The following RPAP2 variants were observed in gnomAD, a reference collection of about 807,000 sequenced individuals.
RPAP2 encodes the protein RNA polymerase II associated protein 2, also known as putative RNA polymerase II subunit B1 CTD phosphatase RPAP2.
Under a neutral mutation model 73.1 loss-of-function variants are expected in RPAP2, and 52 were observed. The ratio of observed to expected loss-of-function variants is 0.71; its 90% CI spans 0.57 to 0.90. RPAP2 has a LOEUF of 0.90. Ranked by LOEUF, RPAP2 falls within the 40% of genes least tolerant of loss-of-function variation. The pLI, the probability that RPAP2 is intolerant of heterozygous loss-of-function variation, is 0.00. For synonymous variants in RPAP2, 225 were observed against 242.1 expected (o/e 0.93, Z 0.65); for missense variants, 598 against 701.8 (o/e 0.85, Z 1.67).
intron 11 of RPAP2, among the ~76,000 whole-genome samples, chr1:92,369,204 A>C (rs1391447850): frequency 6.6e-6 from 1 of 152,220 alleles, no homozygotes; most frequent in African/African-American, 2.4e-5. Context: ...AACACATTAA[A>C]TATCAGCTGT....
chr1:92,344,023 T>G (rs532066153), intron 10 of RPAP2, among the ~76,000 whole-genome samples: 1 of 152,346 alleles, frequency 6.6e-6, no homozygotes, highest in African/African-American at 2.4e-5. Flanking sequence ...CAACTGCTAC[T>G]GTGAAGTAGA....
Position 92,377,516 on chromosome 1 carries a change from CAAAAAAAA to C in RPAP2, c.1689-3191_1689-3184del, listed in dbSNP as rs530908177. 2.0e-3 allele frequency among the ~76,000 whole-genome samples: 151 copies of C among 76,592 alleles called. 1 individual carries two copies. Among genetic ancestry groups the C allele is most frequent in the Admixed American group, 4.5e-3 (29 of 6,480 alleles). 50.2% of individuals were successfully genotyped at this position (76,592 alleles called of 152,430 possible). ...CTAATGACAGAGCGAAACTTTGTCTCAAAAAAAAAAAAAAAAAAAAAAAAGAATTGGGT... is the reference window on the plus strand; with the variant it reads ...CTAATGACAGAGCGAAACTTTGTCTCAAAAAAAAAAAAAAAAGAATTGGGT... On this transcript the variant is annotated intron_variant, in intron 11 of 12. Transcript: ENST00000610020.
intron 8 of RPAP2, among the ~76,000 whole-genome samples, chr1:92,326,255 G>T (rs6668685): frequency 0.86 from 131,331 of 152,138 alleles, 57,121 homozygotes; most frequent in East Asian, 1. Context: ...CTGTGATGAT[G>T]AATAAATTCA....
chr1:92,308,077 C>T (rs78400862), intron 6 of RPAP2, among the ~76,000 whole-genome samples: 1 of 135,986 alleles, frequency 7.4e-6, no homozygotes, highest in Admixed American at 7.4e-5. Context: ...AGCTCTGGCT[C>T]AAAAAAAAAA....
At chr1:92,379,672 C>G (rs1009363655) in intron 11 of RPAP2, among the ~76,000 whole-genome samples, 1 of 152,098 alleles carries the variant, frequency 6.6e-6, no homozygotes, top group Non-Finnish European at 1.5e-5. Context: ...TGGTGGCTCA[C>G]GCTTGTAATC....
intron 10 of RPAP2, 86 bp downstream of exon 10, chr1:92,336,513 G>C (rs1571082164): frequency 2.3e-6 from 2 of 862,416 alleles, no homozygotes; most frequent in Non-Finnish European, 1.9e-6. Flanking sequence ...GAGAAAGTAA[G>C]TGACTTACCT....
intron 6 of RPAP2, among the ~76,000 whole-genome samples, chr1:92,313,015 G>A (rs1359312542): frequency 2.0e-5 from 3 of 152,152 alleles, no homozygotes; most frequent in Middle Eastern, 3.4e-3. Flanking sequence ...ACAGGCATGC[G>A]CCACCACACC....
chr1:92,362,426 G>C (rs1366503973), intron 11 of RPAP2, among the ~76,000 whole-genome samples: 15 of 152,148 alleles, frequency 9.9e-5, no homozygotes, highest in Admixed American at 9.8e-4. Flanking sequence ...AGCCAGAATG[G>C]TGAAAAAGAG....
intron 11 of RPAP2, among the ~76,000 whole-genome samples, chr1:92,373,336 A>G (rs1442954705): frequency 1.3e-5 from 2 of 152,292 alleles, no homozygotes; most frequent in South Asian, 4.1e-4. Context: ...GCACAAATTG[A>G]GATATGGTTA....
chr1:92,303,107 T>C (rs6661384), intron 3 of RPAP2, among the ~76,000 whole-genome samples: 72,450 of 152,036 alleles, frequency 0.48, 18,271 homozygotes, highest in East Asian at 0.96. Context: ...TTTCTCTTTA[T>C]ATTTTTGTAA....
rs114837345 is a variant in RPAP2, at chr1:92,363,626, C to T, written c.1689-17098C>T. 575 of 236,298 alleles carry T rather than the reference C, an allele frequency of 2.4e-3. 1 individual carries two copies. The highest frequency in any genetic ancestry group is 3.4e-3 in the Admixed American group (71 of 20,684). 14.6% of individuals were successfully genotyped at this position (236,298 alleles called of 1,614,324 possible). A position where few individuals can be genotyped will look rare whatever the true frequency, so the allele number is the denominator to read the frequency against. ...GTTTATGGGTTTGAACTGTGCAAGTCCACTTCTATGCGGATATTTTTCCAC... is the reference window on the plus strand; with the variant it reads ...GTTTATGGGTTTGAACTGTGCAAGTTCACTTCTATGCGGATATTTTTCCAC... On this transcript the variant is annotated intron_variant, in intron 11 of 12. Coordinates refer to ENST00000610020, the MANE Select transcript of RPAP2 (RefSeq NM_024813.3).
At chr1:92,342,141 G>A (rs1203601530) in intron 10 of RPAP2, among the ~76,000 whole-genome samples, 1 of 152,122 alleles carries the variant, frequency 6.6e-6, no homozygotes, top group Non-Finnish European at 1.5e-5. Context: ...TTTGAAGCAG[G>A]GAAATCAAAT....
At position 92,388,635 on chromosome 1, in the gene RPAP2, C is replaced by T. The variant is rs1004413905; in HGVS notation, c.*1624C>T. ...CCTAGCCAAGGGAAGCCGTGAGTGA[C>T]TATACCTGGAGGAGGGGTACACTCC... On this transcript the variant is annotated 3_prime_UTR_variant, in exon 13 of 13. Coordinates refer to ENST00000610020, the MANE Select transcript of RPAP2 (RefSeq NM_024813.3). The T allele has an allele frequency of 4.1e-4, 62 of 152,368 alleles. No homozygotes were observed. Among genetic ancestry groups the T allele is most frequent in the African/African-American group, 1.4e-3 (57 of 41,574 alleles). The allele number at this position is 152,368 out of a possible 1,614,324, so 9.4% of individuals were successfully genotyped here. A position where few individuals can be genotyped will look rare whatever the true frequency, so the allele number is the denominator to read the frequency against.
rs542528925 is a variant in RPAP2, at chr1:92,381,944, G to A, written c.1838+1071G>A. On this transcript the variant is annotated intron_variant, in intron 12 of 12. Coordinates refer to ENST00000610020, the MANE Select transcript of RPAP2 (RefSeq NM_024813.3). Reference sequence around the variant, plus strand: ...CACCCCCCACCCCACAACAGTCCCCGGTGTGTGATGTTCCCCTTCCTGTGT... The same window carrying A: ...CACCCCCCACCCCACAACAGTCCCCAGTGTGTGATGTTCCCCTTCCTGTGT... Among the ~76,000 whole-genome samples the A allele has an allele frequency of 4.0e-4, 50 of 123,856 alleles. No homozygotes were observed. In the East Asian group the frequency reaches 7.0e-3, roughly 17 times the overall value. 81.3% of individuals were successfully genotyped at this position (123,856 alleles called of 152,430 possible). A position where few individuals can be genotyped will look rare whatever the true frequency, so the allele number is the denominator to read the frequency against.
intron 10 of RPAP2, among the ~76,000 whole-genome samples, chr1:92,338,758 C>T (rs1165804391): frequency 6.6e-6 from 1 of 151,426 alleles, no homozygotes; most frequent in African/African-American, 2.4e-5. Flanking sequence ...CAAGCCGCAG[C>T]CTGGCTAATT....
chr1:92,332,251 A>T (rs1340860248), intron 8 of RPAP2, among the ~76,000 whole-genome samples: 1 of 151,692 alleles, frequency 6.6e-6, no homozygotes, highest in Non-Finnish European at 1.5e-5. Context: ...CTATGCTTTT[A>T]TGTCTCCCCA....
chr1:92,345,900 G>A lies in RPAP2; in HGVS notation c.1674G>A (p.Met558Ile). 1 of 1,603,292 alleles carries A rather than the reference G, an allele frequency of 6.2e-7. No individual in the cohort carries two copies. Among genetic ancestry groups the A allele is most frequent in the South Asian group, 1.1e-5 (1 of 90,530 alleles). The change falls in exon 11 of 13, where the codon ATG becomes ATA. Residue 558 changes from methionine (M) to isoleucine (I), a missense_variant. This residue lies in a region of RPAP2 where 506 missense variants were observed against 612.8 expected (regional missense o/e 0.83). Transcript: ENST00000610020. Reference protein sequence around the residue: ...HKPAEWTLIAMVLLSLLTPIL... With the variant: ...HKPAEWTLIAIVLLSLLTPIL... ...CTGCGGAATGGACTTTAATTGCTAT[G>A]GTGTTGCTGTCATTGTAAGTACTCT...
At chr1:92,367,211 G>A (rs886764896) in intron 11 of RPAP2, among the ~76,000 whole-genome samples, 1 of 152,128 alleles carries the variant, frequency 6.6e-6, no homozygotes, top group Admixed American at 6.5e-5. Context: ...AAACACATTT[G>A]GGAAAATTAA....
intron 11 of RPAP2, among the ~76,000 whole-genome samples, chr1:92,366,768 T>C (rs1654953161): frequency 6.6e-6 from 1 of 152,206 alleles, no homozygotes; most frequent in South Asian, 2.1e-4. Context: ...TTTTTTTCAG[T>C]ATCTGAGAGA....
Sources: gnomAD v4.1 joint callset for allele counts (sites outside exome capture counted in the v4.1 genomes callset) on GRCh38, gnomAD v4.1.1 for gene constraint, gnomAD v4.1.1 regional missense constraint, MANE v1.5 for transcripts, NCBI Gene and HGNC (gene_info 2026-07-23, HGNC 2026-07-21) for gene names.